The following CDKN2C variants were observed in gnomAD, a reference collection of about 807,000 sequenced individuals.
CDKN2C encodes the protein cyclin-dependent kinase 4 inhibitor C.
CDKN2C carries 5 observed loss-of-function variants against 11.0 expected under a neutral mutation model. The ratio of observed to expected loss-of-function variants is 0.45; its 90% CI spans 0.24 to 0.95. CDKN2C has a LOEUF of 0.95. CDKN2C is among the 40% of genes least tolerant of loss of function. CDKN2C has a pLI of 0.21. For missense variants in CDKN2C, 161 were observed against 211.9 expected (o/e 0.76, Z 1.49); for synonymous variants, 79 against 88.3 (o/e 0.89, Z 0.59).
At chr1:50,966,682 T>C (rs1196655717), upstream of CDKN2C, among the ~76,000 whole-genome samples, 1 of 151,772 alleles carries the variant, frequency 6.6e-6, no homozygotes, top group Middle Eastern at 3.4e-3. Flanking sequence ...CCAATTCTGG[T>C]TTACCCAACA....
At chr1:50,966,529 GTTAGAAT>G (rs901388530), upstream of CDKN2C, among the ~76,000 whole-genome samples, 1 of 152,160 alleles carries the variant, frequency 6.6e-6, no homozygotes, top group African/African-American at 2.4e-5. Context: ...TGTAAGCCAT[GTTAGAAT>G]ATAAGCTTAT....
intron 1 of CDKN2C, among the ~76,000 whole-genome samples, chr1:50,973,012 G>A (rs1645388634): frequency 6.6e-6 from 1 of 152,116 alleles, no homozygotes; most frequent in Admixed American, 6.5e-5. Context: ...TTGAGAAACA[G>A]TATATAATGT....
Position 50,974,389 on chromosome 1 carries a change from T to G in CDKN2C, c.*119T>G. 2.0e-6 allele frequency: 2 copies of G among 997,532 alleles called. No homozygotes were observed. The highest frequency in any genetic ancestry group is 2.6e-5 in the East Asian group (1 of 37,998). The allele number at this position is 997,532 out of a possible 1,614,324, so 61.8% of individuals were successfully genotyped here. On this transcript the variant is annotated 3_prime_UTR_variant, in exon 2 of 2. Coordinates refer to ENST00000371761, the MANE Select transcript of CDKN2C (RefSeq NM_078626.3). The stretch of plus-strand genomic sequence containing the variant: ...TCATATGTTAAGCAGCTAAATTTTC[T>G]GAAACTGCATAAGTGAAAATCTTAC...
At chr1:50,969,791 G>C (rs891791279), upstream of CDKN2C, 3 of 182,906 alleles carry the variant, frequency 1.6e-5, no homozygotes, top group Admixed American at 6.1e-5. This position sits in a 1 kb window ranked among gnomAD's most constrained non-coding sequence, Gnocchi z 6.6. Context: ...TCCCAGCAGC[G>C]GAGGACCCAG....
At position 50,974,002 on chromosome 1, in the gene CDKN2C, C is replaced by T. The variant is rs1258626034; in HGVS notation, c.239C>T (p.Ala80Val). ...GFAVIHDAAR[A>V]GFLDTLQTLL... is the part of the protein sequence containing the mutation. Reference sequence around the variant, plus strand: ...GCTGTCATTCATGATGCGGCCAGAGCAGGTTTCCTGGACACTTTACAGACT... The same window carrying T: ...GCTGTCATTCATGATGCGGCCAGAGTAGGTTTCCTGGACACTTTACAGACT... The change falls in exon 2 of 2, where the codon GCA becomes GTA. Residue 80 changes from alanine (A) to valine (V), a missense_variant. Coordinates refer to ENST00000371761, the MANE Select transcript of CDKN2C (RefSeq NM_078626.3). The T allele has an allele frequency of 1.2e-6, 2 of 1,614,178 alleles. No individual in the cohort carries two copies. Among genetic ancestry groups the T allele is most frequent in the East Asian group, 4.5e-5 (2 of 44,890 alleles).
chr1:50,965,063 T>C (rs1457413793), intron 1 of CDKN2C, among the ~76,000 whole-genome samples: 1 of 147,862 alleles, frequency 6.8e-6, no homozygotes, highest in Non-Finnish European at 1.5e-5. Flanking sequence ...AAAATATAGA[T>C]AGATAGATAG....
intron 1 of CDKN2C, among the ~76,000 whole-genome samples, chr1:50,964,991 T>C (rs755524122): frequency 5.1e-4 from 78 of 151,886 alleles, no homozygotes; most frequent in Non-Finnish European, 8.5e-4. Flanking sequence ...AGGCAGAGAT[T>C]GGAGTGAGCT....
chr1:50,963,966 T>C (rs1645336343), intron 1 of CDKN2C, among the ~76,000 whole-genome samples: 1 of 151,898 alleles, frequency 6.6e-6, no homozygotes, highest in Non-Finnish European at 1.5e-5. Flanking sequence ...TTTTATATCA[T>C]CTTTATTTCC....
chr1:50,973,689 A>C (rs1423090772), intron 1 of CDKN2C, among the ~76,000 whole-genome samples: 2 of 152,204 alleles, frequency 1.3e-5, no homozygotes, highest in Non-Finnish European at 2.9e-5. Context: ...TCCATCATAG[A>C]AGCTCAATTT....
Position 50,970,419 on chromosome 1 carries a change from C to A in CDKN2C, c.51C>A (p.Asp17Glu). The stretch of plus-strand genomic sequence containing the variant: ...TGGCGTCCGCAGCTGCCAGGGGGGA[C>A]CTAGAGCAACTTACTAGTTTGTTGC... ...NELASAAARG[D>E]LEQLTSLLQN... Residue 17 changes from aspartate (D) to glutamate (E), a missense_variant, in exon 1 of 2, where the codon GAC becomes GAA. Transcript: ENST00000371761. 1 of 1,614,008 alleles carries A rather than the reference C, an allele frequency of 6.2e-7. No individual in the cohort carries two copies. Among genetic ancestry groups the A allele is most frequent in the Non-Finnish European group, 8.5e-7 (1 of 1,179,980 alleles).
chr1:50,966,026 CTA>C (rs1427745836), upstream of CDKN2C, among the ~76,000 whole-genome samples: 6 of 151,568 alleles, frequency 4.0e-5, no homozygotes, highest in African/African-American at 1.5e-4. Context: ...CATTTCTATT[CTA>C]TGTCAATGAG....
At chr1:50,966,817 C>G (rs951504850), upstream of CDKN2C, among the ~76,000 whole-genome samples, 18 of 150,556 alleles carry the variant, frequency 1.2e-4, no homozygotes, top group African/African-American at 4.4e-4. Flanking sequence ...GGAAAAAAAT[C>G]AGAACTTTGT....
intron 1 of CDKN2C, among the ~76,000 whole-genome samples, chr1:50,971,011 C>T (rs1233313391): frequency 1.3e-5 from 2 of 152,076 alleles, no homozygotes; most frequent in Non-Finnish European, 2.9e-5. Flanking sequence ...GCCTGGGCAC[C>T]GGGACAGGAT....
chr1:50,970,206 A>C (rs1408337728), upstream of CDKN2C: 1 of 798,636 alleles, frequency 1.3e-6, no homozygotes, highest in African/African-American at 1.7e-5. Context: ...GGCTTTTGGC[A>C]GGCAGATCTT....
intron 1 of CDKN2C, among the ~76,000 whole-genome samples, chr1:50,962,268 C>T (rs776509873): frequency 2.6e-5 from 4 of 152,186 alleles, no homozygotes; most frequent in Non-Finnish European, 5.9e-5. Flanking sequence ...CCTGTAGTCC[C>T]AGCTACTAGG....
At chr1:50,968,177 TAC>T (rs1645356881), upstream of CDKN2C, 1 of 40,776 alleles carries the variant, frequency 2.5e-5, no homozygotes, top group Non-Finnish European at 4.5e-5. Flanking sequence ...ACGCCGAGTT[TAC>T]AGAGCGCGCG....
intron 1 of CDKN2C, among the ~76,000 whole-genome samples, chr1:50,971,363 G>T (rs910408999): frequency 2.0e-5 from 3 of 152,176 alleles, no homozygotes; most frequent in African/African-American, 7.2e-5. Flanking sequence ...AACACTTGAA[G>T]CTGTTTTTGA....
rs2147958264 is a variant in CDKN2C at position 50,973,932 on chromosome 1, C to T, written c.169C>T (p.Leu57=). 6.2e-7 allele frequency: 1 copy of T among 1,614,168 alleles called. No individual in the cohort carries two copies. Among genetic ancestry groups the T allele is most frequent in the South Asian group, 1.1e-5 (1 of 91,088 alleles). The change falls in exon 2 of 2, where the codon CTA becomes TTA. Residue 57 remains leucine, a synonymous_variant. Coordinates refer to ENST00000371761, the MANE Select transcript of CDKN2C (RefSeq NM_078626.3). The part of the protein sequence containing the change: ...LGNPEIARRL[L]LRGANPDLKD... ...AAATCCCGAGATTGCCAGGAGACTG[C>T]TACTTAGAGGTGCTAATCCCGATTT...
chr1:50,967,488 A>G (rs3176445), upstream of CDKN2C, among the ~76,000 whole-genome samples: 1,535 of 152,252 alleles, frequency 0.01, 39 homozygotes, highest in East Asian at 0.014. Context: ...GATTACCCAG[A>G]TATTTCTGGT....
Sources: gnomAD v4.1 joint callset for allele counts (sites outside exome capture counted in the v4.1 genomes callset) on GRCh38, gnomAD v4.1.1 for gene constraint, Gnocchi (gnomAD v3.1) non-coding constraint, MANE v1.5 for transcripts, NCBI Gene and HGNC (gene_info 2026-07-23, HGNC 2026-07-21) for gene names.